Variants in KCNIP4 observed in about 807,000 individuals in gnomAD.
KCNIP4 encodes Kv channel-interacting protein 4.
Under a neutral mutation model 34.0 loss-of-function variants are expected in KCNIP4, and 12 were observed. The observed-to-expected ratio is 0.35, with a 90% CI of 0.23 to 0.57. The LOEUF (loss-of-function observed/expected upper bound fraction) is 0.57, where lower values mean the gene tolerates loss of function less well. Ranked by LOEUF, KCNIP4 falls within the 20% of genes least tolerant of loss-of-function variation. KCNIP4 has a pLI of 0.83. For missense variants in KCNIP4, 238 were observed against 311.7 expected, an observed-to-expected ratio of 0.76 and a Z score of 1.78; for synonymous variants, 124 against 102.2, an observed-to-expected ratio of 1.21 and a Z score of -1.29.
chr4:21,253,204 TA>T, intron 1 of KCNIP4, among the ~76,000 whole-genome samples: 1 of 152,182 alleles, frequency 6.6e-6, no homozygotes, highest in Non-Finnish European at 1.5e-5. Flanking sequence ...TATGAATGCA[TA>T]TGCAGCCTTG....
At chr4:20,954,458 G>C (rs986768237) in intron 1 of KCNIP4, among the ~76,000 whole-genome samples, 1 of 152,122 alleles carries the variant, frequency 6.6e-6, no homozygotes, top group Non-Finnish European at 1.5e-5. Flanking sequence ...ACTCTGCAGG[G>C]TGTAGAGATG....
At chr4:21,389,715 C>G (rs570582772) in intron 1 of KCNIP4, among the ~76,000 whole-genome samples, 4 of 151,908 alleles carry the variant, frequency 2.6e-5, no homozygotes, top group Admixed American at 1.3e-4. Context: ...TGGACATTTG[C>G]GTTGGTTCCA....
chr4:21,899,356 T>C (rs1727578999), intron 1 of KCNIP4, among the ~76,000 whole-genome samples: 1 of 152,074 alleles, frequency 6.6e-6, no homozygotes, highest in Non-Finnish European at 1.5e-5. Context: ...AACTGAAAGC[T>C]TTTCCTGTAA....
intron 1 of KCNIP4, among the ~76,000 whole-genome samples, chr4:21,235,221 A>G (rs969618580): frequency 1.3e-5 from 2 of 152,136 alleles, no homozygotes; most frequent in African/African-American, 4.8e-5. Context: ...GTTGAGGTTA[A>G]TGAAAATAAA....
intron 1 of KCNIP4, among the ~76,000 whole-genome samples, chr4:21,837,071 C>A (rs1371435255): frequency 6.6e-6 from 1 of 151,088 alleles, no homozygotes; most frequent in Non-Finnish European, 1.5e-5. Context: ...GGGCCCGCCA[C>A]CACGCCTGGC....
intron 1 of KCNIP4, among the ~76,000 whole-genome samples, chr4:20,974,177 T>C (rs139335857): frequency 1.5e-4 from 23 of 152,296 alleles, no homozygotes; most frequent in East Asian, 3.9e-4. Flanking sequence ...GCCTGTATCA[T>C]TGAGCCTGGG....
intron 1 of KCNIP4, among the ~76,000 whole-genome samples, chr4:21,274,881 A>AT (rs398063342): frequency 3.6e-5 from 3 of 83,142 alleles, no homozygotes; most frequent in Admixed American, 2.2e-4. Context: ...TGTTAATTTG[A>AT]TTTTTTTTCT....
At chr4:21,423,045 C>G (rs918890270) in intron 1 of KCNIP4, among the ~76,000 whole-genome samples, 2 of 152,164 alleles carry the variant, frequency 1.3e-5, no homozygotes, top group African/African-American at 4.8e-5. Context: ...TACAGTTCAA[C>G]ATAACCAGGG....
At chr4:21,101,374 T>C (rs1747927051) in intron 1 of KCNIP4, among the ~76,000 whole-genome samples, 1 of 152,156 alleles carries the variant, frequency 6.6e-6, no homozygotes, top group African/African-American at 2.4e-5. Flanking sequence ...CAAAAATGTA[T>C]ATAAATGCAT....
intron 1 of KCNIP4, among the ~76,000 whole-genome samples, chr4:21,110,569 C>T (rs1381357687): frequency 6.6e-6 from 1 of 152,128 alleles, no homozygotes; most frequent in Non-Finnish European, 1.5e-5. Flanking sequence ...GTTTATATTT[C>T]ATTTGTGCTA....
intron 1 of KCNIP4, among the ~76,000 whole-genome samples, chr4:21,643,877 TAG>T (rs1005842743): frequency 1.5e-5 from 2 of 129,510 alleles, no homozygotes; most frequent in Non-Finnish European, 3.1e-5. Flanking sequence ...TGATGATAGA[TAG>T]ATAGATAGAT....
intron 1 of KCNIP4, among the ~76,000 whole-genome samples, chr4:21,689,014 T>G (rs535556109): frequency 1.3e-5 from 2 of 152,116 alleles, no homozygotes; most frequent in Non-Finnish European, 2.9e-5. Context: ...ATATGTTGGT[T>G]GGTTGAGTTA....
At chr4:21,866,452 G>A (rs760725165) in intron 1 of KCNIP4, among the ~76,000 whole-genome samples, 20 of 152,088 alleles carry the variant, frequency 1.3e-4, no homozygotes, top group East Asian at 3.9e-4. Context: ...TAGGACAGGC[G>A]CCCCAAATGA....
At chr4:21,403,913 G>A (rs552968612) in intron 1 of KCNIP4, among the ~76,000 whole-genome samples, 1 of 152,280 alleles carries the variant, frequency 6.6e-6, no homozygotes, top group South Asian at 2.1e-4. Context: ...ATCCATGAGG[G>A]TGGAGAACTC....
intron 1 of KCNIP4, among the ~76,000 whole-genome samples, chr4:21,707,889 A>G (rs1447009890): frequency 1.3e-5 from 2 of 151,576 alleles, no homozygotes; most frequent in Admixed American, 1.3e-4. Flanking sequence ...CTCAAGCCCA[A>G]TATTCCATAA....
chr4:21,780,716 C>T (rs1404911606), intron 1 of KCNIP4, among the ~76,000 whole-genome samples: 13 of 152,138 alleles, frequency 8.5e-5, no homozygotes, highest in Non-Finnish European at 1.9e-4. Flanking sequence ...AACCTGTGTT[C>T]ATTTTCTAGA....
chr4:20,926,593 A>T (rs561796676), intron 1 of KCNIP4, among the ~76,000 whole-genome samples: 1 of 152,168 alleles, frequency 6.6e-6, no homozygotes, highest in South Asian at 2.1e-4. Flanking sequence ...CCACTGCAGA[A>T]CTCTTTGGTA....
chr4:21,931,276 TTTA>T lies in KCNIP4; in HGVS notation c.61+17292_61+17294del, dbSNP rs1321890054. Among the ~76,000 whole-genome samples the T allele has an allele frequency of 2.6e-5, 4 of 152,240 alleles. No individual in the cohort carries two copies. The East Asian group carries it at 7.7e-4, about 29-fold the overall frequency. Reference sequence around the variant, plus strand: ...GAAAACTATCCTTTTCTTTGTTTTTTTTAAATTATACTTTAAGTTTTAGGGTAC... The same window carrying T: ...GAAAACTATCCTTTTCTTTGTTTTTTAATTATACTTTAAGTTTTAGGGTAC... On this transcript the variant is annotated intron_variant, in intron 1 of 8. Transcript: ENST00000382152.
intron 2 of KCNIP4, among the ~76,000 whole-genome samples, chr4:20,852,941 A>C (rs1721185978): frequency 6.6e-6 from 1 of 152,216 alleles, no homozygotes; most frequent in Admixed American, 6.5e-5. Context: ...CTCTACAAGG[A>C]AAACTACAAA....
Sources: gnomAD v4.1 joint callset for allele counts (sites outside exome capture counted in the v4.1 genomes callset) on GRCh38, gnomAD v4.1.1 for gene constraint, MANE v1.5 for transcripts, NCBI Gene and HGNC (gene_info 2026-07-23, HGNC 2026-07-21) for gene names.